The following NRG1 variants were observed in gnomAD, a reference collection of about 807,000 sequenced individuals.
NRG1 encodes the protein neuregulin 1.
In NRG1, 18 loss-of-function variants were observed where a neutral mutation model predicts 63.8. The ratio of observed to expected loss-of-function variants is 0.28; its 90% CI spans 0.19 to 0.42. NRG1 has a LOEUF of 0.42. NRG1 is among the 10% of genes least tolerant of loss of function. The probability of loss-of-function intolerance (pLI) is 1.00; values close to 1 mark genes in which losing one functional copy is unlikely to be tolerated. For synonymous variants in NRG1, 302 were observed against 301.3 expected (o/e 1.00, Z -0.02); for missense variants, 762 against 814.7 (o/e 0.94, Z 0.79).
At chr8:31,647,099 C>T (rs1182280079) in intron 1 of NRG1, among the ~76,000 whole-genome samples, 1 of 152,162 alleles carries the variant, frequency 6.6e-6, no homozygotes, top group African/African-American at 2.4e-5. Flanking sequence ...TAAACCATCC[C>T]AGTTTATTTT....
intron 1 of NRG1, among the ~76,000 whole-genome samples, chr8:31,918,053 G>T (rs970345272): frequency 6.6e-6 from 1 of 152,206 alleles, no homozygotes; most frequent in South Asian, 2.1e-4. Context: ...CATTGATTTT[G>T]TATCCTGAGA....
At chr8:32,215,493 A>G (rs574213232) in intron 1 of NRG1, among the ~76,000 whole-genome samples, 1 of 152,266 alleles carries the variant, frequency 6.6e-6, no homozygotes, top group South Asian at 2.1e-4. Flanking sequence ...CATGCTTTAC[A>G]TACTTCATCT....
chr8:32,058,572 TA>T lies in NRG1; in HGVS notation c.37+419142del, dbSNP rs145757068. 2.7e-3 allele frequency among the ~76,000 whole-genome samples: 409 copies of T among 152,172 alleles called. 5 individuals carry two copies. The East Asian group carries it at 0.032, about 12-fold the overall frequency. ...CTAGTGAAGTGTTTTTAATTATTTT[TA>T]TTTTTTTATTTTTTTACTGGCTATT... On this transcript the variant is annotated intron_variant, in intron 1 of 10. Coordinates refer to the NRG1 transcript ENST00000519301.
intron 1 of NRG1, among the ~76,000 whole-genome samples, chr8:31,970,729 T>A (rs1000357226): frequency 6.6e-6 from 1 of 152,144 alleles, no homozygotes; most frequent in African/African-American, 2.4e-5. Flanking sequence ...GTAGGACTGC[T>A]GTACCCACAG....
At chr8:32,274,625 C>T (rs1301035200) in intron 1 of NRG1, among the ~76,000 whole-genome samples, 10 of 152,150 alleles carry the variant, frequency 6.6e-5, no homozygotes, top group Admixed American at 6.6e-4. Context: ...GACTGTACTC[C>T]ATTTCTCACA....
chr8:31,842,630 T>A (rs1022394594), intron 1 of NRG1, among the ~76,000 whole-genome samples: 4 of 141,470 alleles, frequency 2.8e-5, no homozygotes, highest in Admixed American at 1.5e-4. Flanking sequence ...CTCTAAGGGA[T>A]CATGTCTAAC....
chr8:31,938,722 G>C (rs1031326477), intron 1 of NRG1, among the ~76,000 whole-genome samples: 5 of 152,118 alleles, frequency 3.3e-5, no homozygotes, highest in African/African-American at 1.2e-4. Flanking sequence ...AAAAACAATT[G>C]CAACTTCTGG....
At chr8:31,768,132 G>A (rs1818261763) in intron 1 of NRG1, among the ~76,000 whole-genome samples, 1 of 152,146 alleles carries the variant, frequency 6.6e-6, no homozygotes, top group Non-Finnish European at 1.5e-5. Flanking sequence ...ATGGGAGAGA[G>A]AAGGAGTTAT....
At chr8:31,980,669 G>A (rs991127981) in intron 1 of NRG1, among the ~76,000 whole-genome samples, 1 of 151,896 alleles carries the variant, frequency 6.6e-6, no homozygotes, top group African/African-American at 2.4e-5. Flanking sequence ...TTACCATAAA[G>A]GTTTAGGTCT....
intron 1 of NRG1, among the ~76,000 whole-genome samples, chr8:32,266,979 G>A (rs1360028040): frequency 6.6e-6 from 1 of 151,970 alleles, no homozygotes; most frequent in African/African-American, 2.4e-5. Context: ...AACCTGGGAG[G>A]CGGAGGTGGC....
rs1273737224 is a variant in NRG1 at position 32,075,301 on chromosome 8, C to G, written c.37+435870C>G. On this transcript the variant is annotated intron_variant, in intron 1 of 10. Transcript: ENST00000519301. ...ACAAGGAAGTTATTAAGAATCATAC[C>G]AGAGTACAGGAATAAATCATGCCAG... Among the ~76,000 whole-genome samples the G allele has an allele frequency of 6.7e-4, 4 of 5,954 alleles. No individual in the cohort carries two copies. The Admixed American group carries it at 0.017, about 25-fold the overall frequency. The allele number at this position is 5,954 out of a possible 152,430, so 3.9% of individuals were successfully genotyped here.
Position 32,340,283 on chromosome 8 carries a change from T to C in NRG1, c.38-255545T>C, listed in dbSNP as rs139991619. Among the ~76,000 whole-genome samples, 136 of 152,338 alleles carry C rather than the reference T, an allele frequency of 8.9e-4. 3 individuals are homozygous for C. The highest frequency in any genetic ancestry group is 6.5e-3 in the Admixed American group (100 of 15,300). ...TTTAGCTCTGTCTTGAGCTGTCATC[T>C]CCTGGGGCAGGCTTAATGACAGGTG... On this transcript the variant is annotated intron_variant, in intron 1 of 10. Transcript: ENST00000519301.
intron 1 of NRG1, among the ~76,000 whole-genome samples, chr8:32,109,520 T>G (rs560305531): frequency 6.6e-6 from 1 of 152,216 alleles, no homozygotes; most frequent in Non-Finnish European, 1.5e-5. Flanking sequence ...TTCCTAGTTC[T>G]GTGTTGTTGC....
At chr8:32,278,934 A>G (rs1029227202) in intron 1 of NRG1, among the ~76,000 whole-genome samples, 3 of 152,212 alleles carry the variant, frequency 2.0e-5, no homozygotes, top group African/African-American at 7.2e-5. Context: ...CCAGAGAAAT[A>G]TACAGATCTT....
chr8:32,276,013 A>C (rs1389687323), intron 1 of NRG1, among the ~76,000 whole-genome samples: 1 of 152,180 alleles, frequency 6.6e-6, no homozygotes, highest in East Asian at 1.9e-4. Flanking sequence ...CATATCCTTC[A>C]CTGTGAACAT....
At chr8:32,444,959 C>A (rs1820058105) in intron 1 of NRG1, among the ~76,000 whole-genome samples, 2 of 152,196 alleles carry the variant, frequency 1.3e-5, no homozygotes, top group Admixed American at 1.3e-4. Context: ...TATTTCCTAG[C>A]TGCTGCCCTT....
In NRG1 at chr8:32,615,022, G is replaced by GAACAA. The variant is rs945417421; in HGVS notation, c.451+471_451+475dup. Among the ~76,000 whole-genome samples, 5 of 139,164 alleles carry GAACAA rather than the reference G, an allele frequency of 3.6e-5. No individual in the cohort carries two copies. The South Asian group carries it at 7.1e-4, about 20-fold the overall frequency. The allele number at this position is 139,164 out of a possible 152,430, so 91.3% of individuals were successfully genotyped here. Reference sequence around the variant, plus strand: ...TAACAAAACAAAACAGAACAGAACAGAACAAAACAAAACAAAAAGACTTAC... The same window carrying GAACAA: ...TAACAAAACAAAACAGAACAGAACAGAACAAAACAAAACAAAACAAAAAGACTTAC... On this transcript the variant is annotated intron_variant, in intron 4 of 11. Transcript: ENST00000356819.
intron 1 of NRG1, among the ~76,000 whole-genome samples, chr8:32,157,655 T>A (rs1838283082): frequency 6.7e-6 from 1 of 148,880 alleles, no homozygotes; most frequent in Non-Finnish European, 1.5e-5. Flanking sequence ...TCAAAATATA[T>A]ATATTTTTAT....
intron 1 of NRG1, among the ~76,000 whole-genome samples, chr8:32,563,869 A>G (rs73234147): frequency 0.2 from 30,381 of 152,128 alleles, 3,870 homozygotes; most frequent in Admixed American, 0.33. Context: ...AAGTTGATTT[A>G]TGACACCATA....
Sources: allele counts gnomAD v4.1 joint callset (sites outside exome capture counted in the v4.1 genomes callset), GRCh38; gene constraint gnomAD v4.1.1; transcripts MANE v1.5; gene names NCBI Gene and HGNC (gene_info 2026-07-23, HGNC 2026-07-21).